The following KANSL1L variants were observed in gnomAD, a reference collection of about 807,000 sequenced individuals.
KANSL1L encodes the protein KAT8 regulatory NSL complex subunit 1-like protein.
Under a neutral mutation model 108.6 loss-of-function variants are expected in KANSL1L, and 25 were observed. The ratio of observed to expected loss-of-function variants is 0.23; its 90% CI spans 0.17 to 0.32. KANSL1L has a LOEUF of 0.32. Ranked by LOEUF, KANSL1L falls within the 10% of genes least tolerant of loss-of-function variation. The pLI, the probability that KANSL1L is intolerant of heterozygous loss-of-function variation, is 1.00. For synonymous variants in KANSL1L, 405 were observed against 395.1 expected (o/e 1.03, Z -0.30); for missense variants, 1,137 against 1,125.7 (o/e 1.01, Z -0.14).
chr2:210,087,954 G>A (rs552016343), intron 5 of KANSL1L, among the ~76,000 whole-genome samples: 20 of 152,166 alleles, frequency 1.3e-4, no homozygotes, highest in African/African-American at 4.8e-4. Context: ...TTATACATTT[G>A]TGTGATCATT....
intron 6 of KANSL1L, among the ~76,000 whole-genome samples, chr2:210,069,707 T>A (rs926346908): frequency 1.4e-4 from 21 of 152,030 alleles, no homozygotes; most frequent in Non-Finnish European, 3.1e-4. Flanking sequence ...GGCATTCTTT[T>A]TTTAAAATTA....
At chr2:210,090,473 AT>A (rs1032082892) in intron 5 of KANSL1L, among the ~76,000 whole-genome samples, 9 of 152,182 alleles carry the variant, frequency 5.9e-5, no homozygotes, top group African/African-American at 2.2e-4. Flanking sequence ...CACCACAATA[AT>A]TTTTAAAATC....
At position 210,044,862 on chromosome 2, in the gene KANSL1L, C is replaced by T. The variant is rs998069987; in HGVS notation, c.1756-758G>A. On this transcript the variant is annotated intron_variant, in intron 6 of 14. Transcript: ENST00000281772. The surrounding 1 kb of genome is among the most constrained non-coding windows in gnomAD (Gnocchi z 4.2). ...TCGGCTCACTGCAACTTCTGCCTCC[C>T]GGGTTCAAGCGATTCTCCTGCCTCA... Among the ~76,000 whole-genome samples the T allele has an allele frequency of 3.3e-5, 5 of 152,036 alleles. No individual in the cohort carries two copies. Among genetic ancestry groups the T allele is most frequent in the South Asian group, 4.2e-4 (2 of 4,818 alleles).
At chr2:210,067,009 C>T (rs776040153) in intron 6 of KANSL1L, among the ~76,000 whole-genome samples, 45 of 152,200 alleles carry the variant, frequency 3.0e-4, no homozygotes, top group Admixed American at 4.6e-4. Flanking sequence ...GATGATAGCA[C>T]GAATAAAACA....
At chr2:210,167,308 T>G (rs1460492060) in intron 1 of KANSL1L, among the ~76,000 whole-genome samples, 3 of 152,064 alleles carry the variant, frequency 2.0e-5, no homozygotes, top group African/African-American at 7.2e-5. Context: ...CAATGATGTT[T>G]TATAAGCAAG....
rs550636602 is a variant in KANSL1L, at chr2:210,168,342, G to A, written c.-30+2807C>T. Among the ~76,000 whole-genome samples the A allele has an allele frequency of 1.1e-4, 16 of 152,100 alleles. No homozygotes were observed. The South Asian group carries it at 3.3e-3, about 32-fold the overall frequency. The stretch of plus-strand genomic sequence containing the variant: ...TATATAGACAAAATAAGGGTATGGA[G>A]AGATTATCTGAATACATGAAAAACA... On this transcript the variant is annotated intron_variant, in intron 1 of 14. Transcript: ENST00000281772.
intron 6 of KANSL1L, among the ~76,000 whole-genome samples, chr2:210,056,935 A>G (rs1230403120): frequency 6.6e-6 from 1 of 152,204 alleles, no homozygotes; most frequent in East Asian, 1.9e-4. Flanking sequence ...AGATTGTTTA[A>G]TATCAATGGT....
intron 3 of KANSL1L, among the ~76,000 whole-genome samples, chr2:210,109,739 T>A (rs974924598): frequency 1.3e-5 from 2 of 152,122 alleles, no homozygotes; most frequent in Non-Finnish European, 2.9e-5. Flanking sequence ...TATTCACTGT[T>A]CTCTATGGCT....
chr2:210,061,117 C>T (rs563834051), intron 6 of KANSL1L, among the ~76,000 whole-genome samples: 2 of 152,180 alleles, frequency 1.3e-5, no homozygotes, highest in Non-Finnish European at 2.9e-5. Flanking sequence ...CACTTCTTGA[C>T]TTATTCTTAC....
intron 7 of KANSL1L, among the ~76,000 whole-genome samples, chr2:210,043,006 C>G (rs1371404828): frequency 6.6e-6 from 1 of 152,076 alleles, no homozygotes; most frequent in Non-Finnish European, 1.5e-5. Flanking sequence ...AAAGAAGAAC[C>G]GGAGATAACC....
intron 6 of KANSL1L, among the ~76,000 whole-genome samples, chr2:210,069,301 C>G (rs1357792513): frequency 1.3e-5 from 2 of 152,182 alleles, no homozygotes; most frequent in African/African-American, 2.4e-5. Flanking sequence ...ATGTTTCTAG[C>G]AAATTCTGTT....
At chr2:210,066,265 C>A (rs1394935265) in intron 6 of KANSL1L, among the ~76,000 whole-genome samples, 1 of 152,298 alleles carries the variant, frequency 6.6e-6, no homozygotes, top group East Asian at 1.9e-4. Flanking sequence ...AGATGGCTAA[C>A]CCCAGTCACA....
chr2:210,082,809 C>T (rs1362361680), intron 5 of KANSL1L, among the ~76,000 whole-genome samples: 1 of 152,182 alleles, frequency 6.6e-6, no homozygotes, highest in Non-Finnish European at 1.5e-5. Flanking sequence ...TAGAAATAAA[C>T]TCTGAAGAAA....
chr2:210,056,956 T>C (rs1367912089), intron 6 of KANSL1L, among the ~76,000 whole-genome samples: 1 of 152,216 alleles, frequency 6.6e-6, no homozygotes, highest in Admixed American at 6.5e-5. Context: ...CACAAATTTC[T>C]TCAATCCCTG....
At chr2:210,039,942 T>C (rs1163113368) in intron 8 of KANSL1L, among the ~76,000 whole-genome samples, 3 of 151,832 alleles carry the variant, frequency 2.0e-5, no homozygotes, top group Non-Finnish European at 4.4e-5. Context: ...GATTCTACAT[T>C]ATTATAGATT....
chr2:210,040,595 A>G, intron 7 of KANSL1L, 68 bp from the exon 8 acceptor site: 1 of 668,566 alleles, frequency 1.5e-6, no homozygotes, highest in South Asian at 2.8e-5. Flanking sequence ...TACAGATTGT[A>G]ACATTAAAAT....
intron 3 of KANSL1L, among the ~76,000 whole-genome samples, chr2:210,111,229 A>T (rs1328369486): frequency 6.6e-6 from 1 of 152,178 alleles, no homozygotes; most frequent in Non-Finnish European, 1.5e-5. Flanking sequence ...CCAAAAACTA[A>T]AACAACCTAA....
intron 5 of KANSL1L, chr2:210,088,426 CT>C (rs2094659953): frequency 6.6e-6 from 1 of 152,238 alleles, no homozygotes; most frequent in African/African-American, 2.4e-5. Flanking sequence ...AAAGGAAATA[CT>C]CACCCAATGA....
chr2:210,115,713 G>A (rs6736257), intron 3 of KANSL1L, among the ~76,000 whole-genome samples: 20,916 of 152,162 alleles, frequency 0.14, 1,879 homozygotes, highest in East Asian at 0.29. Context: ...TGCAATCCAT[G>A]AGTTAGCATG....
Sources: allele counts gnomAD v4.1 joint callset (sites outside exome capture counted in the v4.1 genomes callset), GRCh38; gene constraint gnomAD v4.1.1; non-coding constraint Gnocchi (gnomAD v3.1); transcripts MANE v1.5; gene names NCBI Gene and HGNC (gene_info 2026-07-23, HGNC 2026-07-21).